Variants in NIN observed in about 807,000 individuals in gnomAD.
NIN encodes glycogen synthase kinase 3 beta-interacting protein.
In NIN, 137 loss-of-function variants were observed where a neutral mutation model predicts 257.6. That is an observed-to-expected ratio of 0.53 (90% CI 0.46 to 0.61). The LOEUF is 0.61. Ranked by LOEUF, NIN falls within the 20% of genes least tolerant of loss-of-function variation. NIN has a pLI of 0.00. For synonymous variants in NIN, 918 were observed against 919.8 expected (o/e 1.00, Z 0.04); for missense variants, 2,439 against 2,501.2 (o/e 0.98, Z 0.53).
At chr14:50,743,276 C>G (rs1308696606) in intron 24 of NIN, 140 bp downstream of exon 24, 1 of 613,874 alleles carries the variant, frequency 1.6e-6, no homozygotes, top group Non-Finnish European at 2.9e-6. Context: ...ACTATAAACA[C>G]ACATCAAACA....
In NIN at chr14:50,756,916, C is replaced by G. The variant is rs1450900706; in HGVS notation, c.4114G>C (p.Glu1372Gln). ...NILQLNQTLE[E>Q]CVPRVRSVHH... The stretch of plus-strand genomic sequence containing the variant: ...ACACTCCTAACCCTGGGCACACACT[C>G]TTCCAGTGTCTGATTGAGCTGGAGT... The change falls in exon 18 of 31, where the codon GAG becomes CAG. Residue 1372 changes from glutamate (E) to glutamine (Q), a missense_variant. Transcript: ENST00000530997. 1 of 1,564,154 alleles carries G rather than the reference C, an allele frequency of 6.4e-7. No homozygotes were observed. Among genetic ancestry groups the G allele is most frequent in the East Asian group, 2.4e-5 (1 of 41,948 alleles).
intron 7 of NIN, among the ~76,000 whole-genome samples, chr14:50,774,724 G>C (rs1347281276): frequency 6.6e-6 from 1 of 152,212 alleles, no homozygotes; most frequent in African/African-American, 2.4e-5. Flanking sequence ...TTGACCTTGT[G>C]ACATTAGCCA....
At chr14:50,762,033 G>T in intron 15 of NIN, 122 bp from the exon 16 acceptor site, 1 of 993,146 alleles carries the variant, frequency 1.0e-6, no homozygotes, top group Non-Finnish European at 1.5e-6. Context: ...CCAGAGATGT[G>T]AACTAATAGG....
chr14:50,753,859 A>G (rs536809452), intron 20 of NIN, among the ~76,000 whole-genome samples: 2 of 152,252 alleles, frequency 1.3e-5, no homozygotes, highest in South Asian at 4.1e-4. Context: ...AATCACTAAT[A>G]AGGCTAACCA....
chr14:50,764,147 A>G (rs1367908191), intron 14 of NIN, among the ~76,000 whole-genome samples, 183 bp from the exon 15 acceptor site: 1 of 152,256 alleles, frequency 6.6e-6, no homozygotes, highest in Non-Finnish European at 1.5e-5. Context: ...ACTAGAATAT[A>G]TAAAGACTAT....
At position 50,729,509 on chromosome 14, in the gene NIN, A is replaced by G. The variant is rs879146964; in HGVS notation, c.6078+14T>C. On this transcript the variant is annotated intron_variant, in intron 29 of 30. Coordinates refer to ENST00000530997, the MANE Select transcript of NIN (RefSeq NM_020921.4). ...ATTAACAGGTGATCTACTAGAGTAG[A>G]GAGAGCTTCATACCTGTGGTGTGTT... The G allele has an allele frequency of 6.2e-7, 1 of 1,609,306 alleles. No individual in the cohort carries two copies. Among genetic ancestry groups the G allele is most frequent in the African/African-American group, 1.3e-5 (1 of 74,946 alleles).
chr14:50,766,971 T>C, intron 12 of NIN, 81 bp from the exon 13 acceptor site: 8 of 898,664 alleles, frequency 8.9e-6, no homozygotes, highest in Non-Finnish European at 1.4e-5. Flanking sequence ...ACAGCATAAA[T>C]CAGTACCGTA....
At chr14:50,726,432 G>C (rs972341031) in intron 29 of NIN, 2 of 198,774 alleles carry the variant, frequency 1.0e-5, no homozygotes, top group African/African-American at 4.6e-5. Context: ...CTGGGTCTCT[G>C]CAATGTTATG....
At position 50,771,186 on chromosome 14, in the gene NIN, A is replaced by G. The variant is rs2042718457; in HGVS notation, c.1118+146T>C. On this transcript the variant is annotated intron_variant, in intron 10 of 30. Coordinates refer to ENST00000530997, the MANE Select transcript of NIN (RefSeq NM_020921.4). Reference sequence around the variant, plus strand: ...TCTAAGTTCTCCTTAATTTTCCTATACTTTAAGGAAGATGTGTGCAGCAGT... The same window carrying G: ...TCTAAGTTCTCCTTAATTTTCCTATGCTTTAAGGAAGATGTGTGCAGCAGT... 5 of 1,165,428 alleles carry G rather than the reference A, an allele frequency of 4.3e-6. 1 individual carries two copies. Among genetic ancestry groups the G allele is most frequent in the Non-Finnish European group, 5.9e-6 (5 of 843,326 alleles). 72.2% of individuals were successfully genotyped at this position (1,165,428 alleles called of 1,614,324 possible).
chr14:50,784,654 T>C (rs144723798), intron 5 of NIN, among the ~76,000 whole-genome samples: 41 of 152,360 alleles, frequency 2.7e-4, no homozygotes, highest in African/African-American at 9.4e-4. Context: ...GATATGTTAA[T>C]TGGCTTGATT....
intron 24 of NIN, chr14:50,742,426 CT>C (rs2041331379): frequency 6.7e-6 from 1 of 148,206 alleles, no homozygotes; most frequent in Non-Finnish European, 1.5e-5. Flanking sequence ...CAGAGTCTTG[CT>C]CTGTCGCCCA....
At chr14:50,811,950 CGTCTCCA>C (rs1566873910) in intron 3 of NIN, among the ~76,000 whole-genome samples, 6 of 69,498 alleles carry the variant, frequency 8.6e-5, no homozygotes, top group Admixed American at 8.2e-4. Flanking sequence ...GCCAAGACTC[CGTCTCCA>C]AAAAAAAAAA....
At position 50,722,478 on chromosome 14, in the gene NIN, TA is replaced by T; in HGVS notation, c.*984del. Reference sequence around the variant, plus strand: ...TATGGCTGTAAATATATAAGACAAATAAATGAGGTCACATGGTTTATACATT... The same window carrying T: ...TATGGCTGTAAATATATAAGACAAATAATGAGGTCACATGGTTTATACATT... On this transcript the variant is annotated 3_prime_UTR_variant, in exon 31 of 31. Transcript: ENST00000530997. 1 of 210,642 alleles carries T rather than the reference TA, an allele frequency of 4.7e-6. No homozygotes were observed. Among genetic ancestry groups the T allele is most frequent in the Non-Finnish European group, 9.7e-6 (1 of 103,510 alleles). 13.0% of individuals were successfully genotyped at this position (210,642 alleles called of 1,614,324 possible).
At position 50,796,139 on chromosome 14, in the gene NIN, C is replaced by T. The variant is rs74703838; in HGVS notation, c.266-3258G>A. Among the ~76,000 whole-genome samples, 73 of 152,284 alleles carry T rather than the reference C, an allele frequency of 4.8e-4. 1 individual carries two copies. Among genetic ancestry groups the T allele is most frequent in the East Asian group, 4.6e-3 (24 of 5,182 alleles). Reference sequence around the variant, plus strand: ...GTCATTTTTCCTTCTTTCCCATTTTCCATTTCTCCTATTTGGCATCACTAC... The same window carrying T: ...GTCATTTTTCCTTCTTTCCCATTTTTCATTTCTCCTATTTGGCATCACTAC... On this transcript the variant is annotated intron_variant, in intron 4 of 30. Transcript: ENST00000530997.
intron 15 of NIN, among the ~76,000 whole-genome samples, chr14:50,763,125 C>T (rs1299751434): frequency 6.6e-6 from 1 of 152,056 alleles, no homozygotes; most frequent in Non-Finnish European, 1.5e-5. Flanking sequence ...TGTGTAAGAA[C>T]GACACTCCTA....
intron 4 of NIN, among the ~76,000 whole-genome samples, chr14:50,804,278 G>T (rs1266829201): frequency 6.6e-6 from 1 of 152,012 alleles, no homozygotes; most frequent in African/African-American, 2.4e-5. Flanking sequence ...GAGGGGCCAA[G>T]GAGAAATTGG....
intron 13 of NIN, 42 bp downstream of exon 13, chr14:50,766,738 A>T: frequency 7.3e-7 from 1 of 1,372,580 alleles, no homozygotes; most frequent in Non-Finnish European, 1.0e-6. Flanking sequence ...AAACTACATA[A>T]AGTAGGCTGC....
rs191757733 is a variant in NIN at position 50,806,688 on chromosome 14, C to T, written c.265+49G>A. The T allele has an allele frequency of 3.0e-5, 31 of 1,020,892 alleles. No individual in the cohort carries two copies. The East Asian group carries it at 5.2e-4, about 17-fold the overall frequency. 63.2% of individuals were successfully genotyped at this position (1,020,892 alleles called of 1,614,324 possible). A position where few individuals can be genotyped will look rare whatever the true frequency, so the allele number is the denominator to read the frequency against. ...GCTTCAAGGTCCCCAGATTCTTCCC[C>T]GGACAACTTTTAAAGGGGAAGGCAG... On this transcript the variant is annotated intron_variant, in intron 4 of 30. Transcript: ENST00000530997.
chr14:50,762,552 A>AAAAC (rs1427338380), intron 15 of NIN, among the ~76,000 whole-genome samples: 1 of 152,190 alleles, frequency 6.6e-6, no homozygotes, highest in African/African-American at 2.4e-5. Flanking sequence ...AAAATTTTAA[A>AAAAC]AAACAGGGCA....
Sources: gnomAD v4.1 joint callset for allele counts (sites outside exome capture counted in the v4.1 genomes callset) on GRCh38, gnomAD v4.1.1 for gene constraint, MANE v1.5 for transcripts, NCBI Gene and HGNC (gene_info 2026-07-23, HGNC 2026-07-21) for gene names.